The following GSN variants were observed in gnomAD, a reference collection of about 807,000 sequenced individuals.
The protein encoded by GSN is actin-depolymerizing factor.
In GSN, 56 loss-of-function variants were observed where a neutral mutation model predicts 85.7. The observed-to-expected ratio is 0.65, with a 90% confidence interval of 0.53 to 0.82. The LOEUF is 0.82. GSN is among the 40% of genes least tolerant of loss of function. The pLI is 0.00. For synonymous variants in GSN, 373 were observed against 399.1 expected, an observed-to-expected ratio of 0.93 and a Z score of 0.78; for missense variants, 857 against 979.8, an observed-to-expected ratio of 0.87 and a Z score of 1.67.
chr9:121,329,175 G>A lies in GSN; in HGVS notation c.1888-63G>A, dbSNP rs750945096. ...AGCTGTGCCACTCCCTCAGGGGGCA[G>A]ATAAAGGAAGGCCACCCAGGGGAGG... On this transcript the variant is annotated intron_variant, in intron 15 of 17. Transcript: ENST00000432226. The surrounding 1 kb of genome is among the most constrained non-coding windows in gnomAD (Gnocchi z 4.6). 34 of 1,480,352 alleles carry A rather than the reference G, an allele frequency of 2.3e-5. No individual in the cohort carries two copies. The highest frequency in any genetic ancestry group is 3.1e-5 in the Non-Finnish European group (33 of 1,059,610). 91.7% of individuals were successfully genotyped at this position (1,480,352 alleles called of 1,614,324 possible). A position where few individuals can be genotyped will look rare whatever the true frequency, so the allele number is the denominator to read the frequency against.
At chr9:121,246,722 C>T (rs1038776996) in intron 5 of GSN, among the ~76,000 whole-genome samples, 4 of 152,158 alleles carry the variant, frequency 2.6e-5, no homozygotes, top group Non-Finnish European at 4.4e-5. Context: ...TGCAGACCAG[C>T]TTCCTTCATT....
intron 1 of GSN, among the ~76,000 whole-genome samples, chr9:121,271,429 C>T (rs1457276593): frequency 1.3e-5 from 2 of 152,160 alleles, no homozygotes; most frequent in Non-Finnish European, 2.9e-5. Flanking sequence ...TTATTGATTC[C>T]TTGCAACCAT....
chr9:121,251,116 G>A (rs1025382379), intron 6 of GSN, among the ~76,000 whole-genome samples: 3 of 149,150 alleles, frequency 2.0e-5, no homozygotes, highest in South Asian at 2.1e-4. Context: ...ATGAGCCACT[G>A]CACCCGACCC....
At chr9:121,222,605 T>C (rs1334701938) in intron 4 of GSN, among the ~76,000 whole-genome samples, 1 of 152,186 alleles carries the variant, frequency 6.6e-6, no homozygotes, top group Non-Finnish European at 1.5e-5. Flanking sequence ...CAAGGATAAT[T>C]TGCATTACAA....
intron 3 of GSN, among the ~76,000 whole-genome samples, chr9:121,210,628 G>C (rs1232086455): frequency 6.6e-6 from 1 of 152,208 alleles, no homozygotes; most frequent in Non-Finnish European, 1.5e-5. Context: ...GAACCTTACA[G>C]AGAAGGGCTA....
At chr9:121,273,615 AT>A (rs540938038) in intron 1 of GSN, among the ~76,000 whole-genome samples, 16 of 151,090 alleles carry the variant, frequency 1.1e-4, no homozygotes, top group African/African-American at 3.4e-4. Flanking sequence ...TTTTCAGTGC[AT>A]TTTTTTTTAC....
At chr9:121,269,089 C>T (rs565131558) in intron 1 of GSN, among the ~76,000 whole-genome samples, 4 of 152,210 alleles carry the variant, frequency 2.6e-5, no homozygotes, top group Non-Finnish European at 5.9e-5. Flanking sequence ...TGGAAGGGAG[C>T]TTTAAAACAC....
chr9:121,314,916 C>T (rs937922659), intron 7 of GSN, among the ~76,000 whole-genome samples: 1 of 152,330 alleles, frequency 6.6e-6, no homozygotes, highest in Middle Eastern at 3.4e-3. Context: ...GGCTGCAGTA[C>T]AATGGCACAA....
At chr9:121,308,318 AAG>A (rs1249993722) in intron 4 of GSN, 1 of 152,278 alleles carries the variant, frequency 6.6e-6, no homozygotes, top group Non-Finnish European at 1.5e-5. Context: ...CATTACTTGA[AAG>A]AGGGCTCTGA....
intron 5 of GSN, among the ~76,000 whole-genome samples, chr9:121,237,298 A>T (rs563049206): frequency 3.3e-5 from 5 of 152,216 alleles, no homozygotes; most frequent in Non-Finnish European, 7.3e-5. Flanking sequence ...GTGATGTCTC[A>T]TGCCTGTAAT....
At chr9:121,224,010 ATAATAAG>A (rs201776619) in intron 4 of GSN, among the ~76,000 whole-genome samples, 4,480 of 152,150 alleles carry the variant, frequency 0.029, 95 homozygotes, top group Non-Finnish European at 0.043. Flanking sequence ...ATCTTTGCCA[ATAATAAG>A]TAATATCAAT....
At chr9:121,213,590 G>T (rs1044763339) in intron 4 of GSN, among the ~76,000 whole-genome samples, 2 of 152,214 alleles carry the variant, frequency 1.3e-5, no homozygotes, top group African/African-American at 4.8e-5. Flanking sequence ...TTAAAATCCT[G>T]ACTCTGCCGT....
chr9:121,279,067 G>A (rs1299306613), intron 1 of GSN, among the ~76,000 whole-genome samples: 1 of 152,192 alleles, frequency 6.6e-6, no homozygotes, highest in Non-Finnish European at 1.5e-5. Context: ...GGAGCAATTG[G>A]GGAGGCTGAC....
At chr9:121,260,970 T>C (rs2055071872) in intron 6 of GSN, among the ~76,000 whole-genome samples, 1 of 152,220 alleles carries the variant, frequency 6.6e-6, no homozygotes, top group Non-Finnish European at 1.5e-5. Context: ...TGTCTGTTTG[T>C]TTGTTTTAAG....
chr9:121,235,405 A>T (rs929512950), intron 5 of GSN, among the ~76,000 whole-genome samples: 1 of 152,108 alleles, frequency 6.6e-6, no homozygotes, highest in African/African-American at 2.4e-5. Flanking sequence ...ACCCAAAGAG[A>T]TTATGTGCTT....
At chr9:121,328,676 G>A (rs932168893) in intron 14 of GSN, among the ~76,000 whole-genome samples, 1 of 152,198 alleles carries the variant, frequency 6.6e-6, no homozygotes, top group Non-Finnish European at 1.5e-5. Context: ...TCCTGGCTGT[G>A]TGACTACTGC....
chr9:121,268,155 G>C (rs550173869), upstream of GSN: 1 of 149,128 alleles, frequency 6.7e-6, no homozygotes, highest in Admixed American at 6.7e-5. Context: ...CCCCCGCCCC[G>C]CCGCCCGGAA....
chr9:121,288,063 A>G (rs2058328798), intron 2 of GSN, among the ~76,000 whole-genome samples: 1 of 152,078 alleles, frequency 6.6e-6, no homozygotes. Context: ...AGTAGGTGGG[A>G]CCACAGGCAC....
intron 4 of GSN, among the ~76,000 whole-genome samples, chr9:121,306,388 CT>C (rs2060423557): frequency 1.3e-5 from 2 of 152,222 alleles, no homozygotes. Flanking sequence ...TTCATTGCTT[CT>C]TTTCCCCCTT....
Sources: gnomAD v4.1 joint callset for allele counts (sites outside exome capture counted in the v4.1 genomes callset) on GRCh38, gnomAD v4.1.1 for gene constraint, Gnocchi (gnomAD v3.1) non-coding constraint, MANE v1.5 for transcripts, NCBI Gene and HGNC (gene_info 2026-07-23, HGNC 2026-07-21) for gene names.